GTF2F2: variants seen among roughly 807,000 people sequenced by gnomAD.
GTF2F2 encodes the protein ATP-dependent helicase GTF2F2.
A neutral mutation model predicts 42.2 loss-of-function variants in GTF2F2; 23 were observed. That is an observed-to-expected ratio of 0.55 (90% CI 0.39 to 0.77). GTF2F2 has a LOEUF of 0.77. Ranked by LOEUF, GTF2F2 falls within the 30% of genes least tolerant of loss-of-function variation. GTF2F2 has a pLI of 0.00. For missense variants in GTF2F2, 261 were observed against 287.2 expected (o/e 0.91, Z 0.66); for synonymous variants, 105 against 100.8 (o/e 1.04, Z -0.25).
intron 5 of GTF2F2, among the ~76,000 whole-genome samples, chr13:45,223,752 A>G (rs1386086330): frequency 6.6e-6 from 1 of 152,214 alleles, no homozygotes; most frequent in Non-Finnish European, 1.5e-5. Flanking sequence ...GTACTGTGCT[A>G]TACAGTCCTT....
At position 45,165,312 on chromosome 13, in the gene GTF2F2, T is replaced by A. The variant is rs969926003; in HGVS notation, c.304+13481T>A. 5.9e-5 allele frequency among the ~76,000 whole-genome samples: 8 copies of A among 136,482 alleles called. No individual in the cohort carries two copies. The South Asian group carries it at 1.1e-3, about 19-fold the overall frequency. The allele number at this position is 136,482 out of a possible 152,430, so 89.5% of individuals were successfully genotyped here. A position where few individuals can be genotyped will look rare whatever the true frequency, so the allele number is the denominator to read the frequency against. On this transcript the variant is annotated intron_variant, in intron 4 of 7. Transcript: ENST00000340473. ...TTATCCATTAGATTTATATCTAAAATATATATATATATATATATATTTTTT... is the reference window on the plus strand; with the variant it reads ...TTATCCATTAGATTTATATCTAAAAAATATATATATATATATATATTTTTT...
chr13:45,263,485 C>T (rs1876432289), intron 6 of GTF2F2, among the ~76,000 whole-genome samples: 1 of 152,160 alleles, frequency 6.6e-6, no homozygotes, highest in African/African-American at 2.4e-5. Flanking sequence ...ACCTCGGCCT[C>T]CCAAAGTGCT....
chr13:45,168,821 TTCCTTCCC>T (rs1357245058), intron 4 of GTF2F2, among the ~76,000 whole-genome samples: 13 of 128,862 alleles, frequency 1.0e-4, no homozygotes, highest in African/African-American at 4.6e-4. Flanking sequence ...CCTTCCTTCC[TTCCTTCCC>T]TCCCTCTTTC....
chr13:45,214,495 C>G (rs1873813079), intron 5 of GTF2F2, among the ~76,000 whole-genome samples: 1 of 152,090 alleles, frequency 6.6e-6, no homozygotes, highest in African/African-American at 2.4e-5. Context: ...AAATAAAAAC[C>G]TAATGATTTT....
At chr13:45,189,245 T>G (rs972410216) in intron 4 of GTF2F2, among the ~76,000 whole-genome samples, 10 of 152,212 alleles carry the variant, frequency 6.6e-5, no homozygotes, top group African/African-American at 2.4e-4. Context: ...CCCCTTTTTT[T>G]TGGCTGCATA....
At chr13:45,248,963 C>G (rs1262012061) in intron 5 of GTF2F2, among the ~76,000 whole-genome samples, 1 of 152,122 alleles carries the variant, frequency 6.6e-6, no homozygotes, top group African/African-American at 2.4e-5. Flanking sequence ...CCAAGTCAGC[C>G]TAATACCTCT....
intron 6 of GTF2F2, among the ~76,000 whole-genome samples, chr13:45,264,649 G>A (rs1245155348): frequency 1.3e-5 from 2 of 152,070 alleles, no homozygotes; most frequent in African/African-American, 2.4e-5. Context: ...AACTTAATCC[G>A]ACCCTTACTC....
Position 45,278,269 on chromosome 13 carries a change from G to A in GTF2F2, c.631-5173G>A, listed in dbSNP as rs915625033. ...ATGGACTTCTGGCTTTTTGCCCACC[G>A]CAGTTTTAACTTGACCCACAAATGC... On this transcript the variant is annotated intron_variant, in intron 7 of 7. Coordinates refer to ENST00000340473, the MANE Select transcript of GTF2F2 (RefSeq NM_004128.3). Among the ~76,000 whole-genome samples, 10 of 152,152 alleles carry A rather than the reference G, an allele frequency of 6.6e-5. No homozygotes were observed. In the East Asian group the frequency reaches 1.2e-3, roughly 18 times the overall value.
chr13:45,273,654 A>ATTTTTTTTTTTTTTT lies in GTF2F2; in HGVS notation c.630+6278_630+6279insTTTTTTTTTTTTTTT, dbSNP rs1331934269. ...CCCACTTGATTTTAAAGAGTGGTAA[A>ATTTTTTTTTTTTTTT]ATTTTTTTTTTTTTTTTTGAGACGG... On this transcript the variant is annotated intron_variant, in intron 7 of 7. Coordinates refer to ENST00000340473, the MANE Select transcript of GTF2F2 (RefSeq NM_004128.3). 4.6e-4 allele frequency among the ~76,000 whole-genome samples: 51 copies of ATTTTTTTTTTTTTTT among 110,868 alleles called. 1 individual carries two copies. The highest frequency in any genetic ancestry group is 6.3e-4 in the Non-Finnish European group (35 of 55,554). The allele number at this position is 110,868 out of a possible 152,430, so 72.7% of individuals were successfully genotyped here. A position where few individuals can be genotyped will look rare whatever the true frequency, so the allele number is the denominator to read the frequency against.
chr13:45,131,972 T>G (rs1474930881), intron 1 of GTF2F2, among the ~76,000 whole-genome samples: 3 of 151,494 alleles, frequency 2.0e-5, no homozygotes, highest in Non-Finnish European at 4.4e-5. Context: ...GAAGGATTAT[T>G]AAGTCTGCCC....
chr13:45,122,854 T>C (rs1868729568), intron 1 of GTF2F2, among the ~76,000 whole-genome samples: 1 of 152,184 alleles, frequency 6.6e-6, no homozygotes, highest in African/African-American at 2.4e-5. Context: ...CTTGTACATA[T>C]TTAATTCCAT....
In GTF2F2 at chr13:45,142,311, C is replaced by T. The variant is rs572917684; in HGVS notation, c.140+5505C>T. Among the ~76,000 whole-genome samples, 8 of 152,192 alleles carry T rather than the reference C, an allele frequency of 5.3e-5. No homozygotes were observed. In the South Asian group the frequency reaches 8.3e-4, roughly 16 times the overall value. On this transcript the variant is annotated intron_variant, in intron 2 of 7. Transcript: ENST00000340473. Reference sequence around the variant, plus strand: ...CCTCCTGAGTAGCTGGGATTATAGGCGCCTGCCACCATGCCCAGCTAATTT... The same window carrying T: ...CCTCCTGAGTAGCTGGGATTATAGGTGCCTGCCACCATGCCCAGCTAATTT...
intron 4 of GTF2F2, among the ~76,000 whole-genome samples, chr13:45,191,224 A>AAAAAAAAATATATATATATATATATATAT: frequency 8.0e-5 from 6 of 75,306 alleles, no homozygotes; most frequent in African/African-American, 2.0e-4. Context: ...ACAAAAAAAA[A>AAAAAAAAATATATATATATATATATATAT]ATATATATAT....
At chr13:45,148,780 C>G (rs1157021332) in intron 2 of GTF2F2, among the ~76,000 whole-genome samples, 1 of 151,972 alleles carries the variant, frequency 6.6e-6, no homozygotes, top group East Asian at 1.9e-4. Context: ...ATAGGATGTA[C>G]ATTGATTTTG....
At chr13:45,220,925 T>G (rs1874081068) in intron 5 of GTF2F2, 1 of 151,094 alleles carries the variant, frequency 6.6e-6, no homozygotes, top group Non-Finnish European at 1.5e-5. Flanking sequence ...TGATCCCATC[T>G]GCTTAAAATG....
chr13:45,126,878 C>G (rs1869033648), intron 1 of GTF2F2, among the ~76,000 whole-genome samples: 1 of 152,192 alleles, frequency 6.6e-6, no homozygotes, highest in Non-Finnish European at 1.5e-5. Flanking sequence ...GAGTTATTTT[C>G]TGTCACTTTC....
rs189936898 is a variant in GTF2F2, at chr13:45,156,799, A to G, written c.304+4968A>G. On this transcript the variant is annotated intron_variant, in intron 4 of 7. Coordinates refer to ENST00000340473, the MANE Select transcript of GTF2F2 (RefSeq NM_004128.3). ...AAAGAAATGGGCAGGCTTAGAGCTG[A>G]TAACGCAGTGACTTTTTTGCTTTCA... 1.7e-3 allele frequency among the ~76,000 whole-genome samples: 256 copies of G among 152,334 alleles called. 1 individual carries two copies. The highest frequency in any genetic ancestry group is 5.8e-3 in the African/African-American group (243 of 41,576).
chr13:45,190,311 T>C (rs574503035), intron 4 of GTF2F2, among the ~76,000 whole-genome samples: 1 of 152,328 alleles, frequency 6.6e-6, no homozygotes, highest in African/African-American at 2.4e-5. Flanking sequence ...TTTCACTCAA[T>C]GTTTTAGGAA....
At chr13:45,155,556 G>A (rs1435231704) in intron 4 of GTF2F2, among the ~76,000 whole-genome samples, 1 of 152,168 alleles carries the variant, frequency 6.6e-6, no homozygotes, top group Non-Finnish European at 1.5e-5. Flanking sequence ...CTTTTAGGGA[G>A]AGCGAATTAG....
Sources: allele counts gnomAD v4.1 joint callset (sites outside exome capture counted in the v4.1 genomes callset), GRCh38; gene constraint gnomAD v4.1.1; transcripts MANE v1.5; gene names NCBI Gene and HGNC (gene_info 2026-07-23, HGNC 2026-07-21).